The following XKR6 variants were observed in gnomAD, a reference collection of about 807,000 sequenced individuals.
XKR6 encodes the protein XK related 6.
Under a neutral mutation model 56.7 loss-of-function variants are expected in XKR6, and 22 were observed. The observed-to-expected ratio is 0.39, with a 90% confidence interval of 0.28 to 0.55. XKR6 has a LOEUF of 0.55. Among genes scored for constraint, XKR6 ranks in the 20% least tolerant of loss-of-function variants. The probability of loss-of-function intolerance (pLI) is 0.66; values close to 1 mark genes in which losing one functional copy is unlikely to be tolerated. For synonymous variants in XKR6, 524 were observed against 387.8 expected (o/e 1.35, Z -4.13); for missense variants, 852 against 889.0 (o/e 0.96, Z 0.53).
chr8:11,019,793 T>C (rs1798709194), intron 1 of XKR6, among the ~76,000 whole-genome samples: 1 of 152,178 alleles, frequency 6.6e-6, no homozygotes, highest in Non-Finnish European at 1.5e-5. Flanking sequence ...GGAGCATTGA[T>C]CAGGCACCCG....
At chr8:11,133,427 C>G (rs934735765) in intron 1 of XKR6, among the ~76,000 whole-genome samples, 38 of 152,112 alleles carry the variant, frequency 2.5e-4, no homozygotes, top group African/African-American at 8.7e-4. Flanking sequence ...CCCTTAAGAT[C>G]TGCCTCCTGG....
At chr8:11,091,965 C>G (rs981480198) in intron 1 of XKR6, among the ~76,000 whole-genome samples, 2 of 152,184 alleles carry the variant, frequency 1.3e-5, no homozygotes, top group South Asian at 2.1e-4. Flanking sequence ...ACCACAATCT[C>G]TTATGCAAAA....
chr8:11,123,026 C>G (rs545543015), intron 1 of XKR6, among the ~76,000 whole-genome samples: 1 of 152,134 alleles, frequency 6.6e-6, no homozygotes, highest in East Asian at 1.9e-4. Context: ...CACCTGAAAT[C>G]AGGAGTTCCA....
At chr8:10,901,138 C>A (rs1277680518) in intron 2 of XKR6, among the ~76,000 whole-genome samples, 1 of 150,744 alleles carries the variant, frequency 6.6e-6, no homozygotes, top group Non-Finnish European at 1.5e-5. Context: ...TCATTGTGAC[C>A]TCCACTTGCC....
At chr8:11,095,245 G>C (rs1367775949) in intron 1 of XKR6, among the ~76,000 whole-genome samples, 2 of 152,192 alleles carry the variant, frequency 1.3e-5, no homozygotes, top group Non-Finnish European at 2.9e-5. Context: ...TTATCTGCAA[G>C]GTCAACCCTC....
intron 1 of XKR6, among the ~76,000 whole-genome samples, chr8:11,004,508 C>T (rs1013518517): frequency 2.1e-4 from 32 of 151,022 alleles, no homozygotes; most frequent in Admixed American, 8.6e-4. Flanking sequence ...AAAAATAAAG[C>T]TCCGGTGGGA....
chr8:11,138,738 A>T (rs1800527997), intron 1 of XKR6: 1 of 152,186 alleles, frequency 6.6e-6, no homozygotes. Flanking sequence ...AAATGGGGAG[A>T]TTATGATTCC....
chr8:10,945,771 G>C (rs1222470417), intron 1 of XKR6, among the ~76,000 whole-genome samples: 4 of 152,154 alleles, frequency 2.6e-5, no homozygotes, highest in Non-Finnish European at 5.9e-5. Context: ...GCAAGGGTAC[G>C]CATAGCCCTT....
At chr8:11,177,308 A>T (rs1802710156) in intron 1 of XKR6, among the ~76,000 whole-genome samples, 1 of 152,184 alleles carries the variant, frequency 6.6e-6, no homozygotes, top group South Asian at 2.1e-4. Flanking sequence ...TAAACACAAA[A>T]TGTCCTTATC....
At chr8:11,177,813 G>T (rs1336087635) in intron 1 of XKR6, among the ~76,000 whole-genome samples, 1 of 152,222 alleles carries the variant, frequency 6.6e-6, no homozygotes, top group Non-Finnish European at 1.5e-5. Flanking sequence ...CAGACTTCTA[G>T]CCTCAGGCTC....
At chr8:11,121,590 C>T (rs1308603312) in intron 1 of XKR6, among the ~76,000 whole-genome samples, 1 of 152,224 alleles carries the variant, frequency 6.6e-6, no homozygotes, top group Non-Finnish European at 1.5e-5. Flanking sequence ...GTTGGTGGGA[C>T]TGTAAACTAG....
chr8:10,998,178 C>T (rs1419640400), intron 1 of XKR6, among the ~76,000 whole-genome samples: 1 of 152,076 alleles, frequency 6.6e-6, no homozygotes, highest in African/African-American at 2.4e-5. Context: ...TAAGATCACC[C>T]CTTCTCCCAC....
chr8:11,003,727 C>A (rs998320520), intron 1 of XKR6, among the ~76,000 whole-genome samples: 3 of 152,220 alleles, frequency 2.0e-5, no homozygotes, highest in African/African-American at 4.8e-5. Context: ...ACAGACTCTG[C>A]CCTCTTTCTG....
At chr8:10,999,773 G>T (rs904505938) in intron 1 of XKR6, among the ~76,000 whole-genome samples, 1 of 152,212 alleles carries the variant, frequency 6.6e-6, no homozygotes, top group Non-Finnish European at 1.5e-5. Context: ...TCTGTATGCC[G>T]TTGGGTTGAT....
At chr8:11,175,702 A>G (rs868549737) in intron 1 of XKR6, 1 of 152,234 alleles carries the variant, frequency 6.6e-6, no homozygotes, top group Non-Finnish European at 1.5e-5. Context: ...CCTGAAGATA[A>G]TTACTTCATT....
At chr8:11,144,450 C>T (rs534008240) in intron 1 of XKR6, among the ~76,000 whole-genome samples, 1 of 151,546 alleles carries the variant, frequency 6.6e-6, no homozygotes, top group South Asian at 2.1e-4. Context: ...AGGAAGTAGA[C>T]TCAAAACTCA....
chr8:10,908,132 A>T (rs1332491751), intron 2 of XKR6, among the ~76,000 whole-genome samples: 2 of 152,232 alleles, frequency 1.3e-5, no homozygotes, highest in Admixed American at 6.5e-5. Flanking sequence ...GCACGTGAGC[A>T]GAAGGGATGT....
chr8:10,915,562 C>T lies in XKR6; in HGVS notation c.961+9072G>A, dbSNP rs998247073. ...TCCCTCTCGCCATTGGTCGGTAGGGCGACCTCAGTGCAGGGCCTCAAAATG... is the reference window on the plus strand; with the variant it reads ...TCCCTCTCGCCATTGGTCGGTAGGGTGACCTCAGTGCAGGGCCTCAAAATG... On this transcript the variant is annotated intron_variant, in intron 2 of 2. Transcript: ENST00000416569. Among the ~76,000 whole-genome samples, 19 of 152,172 alleles carry T rather than the reference C, an allele frequency of 1.2e-4. 1 individual carries two copies. Among genetic ancestry groups the T allele is most frequent in the Admixed American group, 4.6e-4 (7 of 15,272 alleles).
At chr8:10,951,645 C>G (rs1218826843) in intron 1 of XKR6, among the ~76,000 whole-genome samples, 2 of 152,238 alleles carry the variant, frequency 1.3e-5, no homozygotes, top group Non-Finnish European at 2.9e-5. Context: ...GCCCATCATT[C>G]TATTCTGCTG....
Sources: gnomAD v4.1 joint callset for allele counts (sites outside exome capture counted in the v4.1 genomes callset) on GRCh38, gnomAD v4.1.1 for gene constraint, MANE v1.5 for transcripts, NCBI Gene and HGNC (gene_info 2026-07-23, HGNC 2026-07-21) for gene names.